The following CPB1 variants were observed in gnomAD, a reference collection of about 807,000 sequenced individuals.
The protein encoded by CPB1 is carboxypeptidase B1.
CPB1 carries 53 observed loss-of-function variants against 51.4 expected under a neutral mutation model. The observed-to-expected ratio is 1.03, with a 90% confidence interval of 0.83 to 1.30. CPB1 has a LOEUF of 1.30. Ranked by LOEUF, CPB1 falls within the 50% of genes most tolerant of loss-of-function variation. The probability of loss-of-function intolerance (pLI) is 0.00; values close to 1 mark genes in which losing one functional copy is unlikely to be tolerated. For synonymous variants in CPB1, 189 were observed against 186.9 expected, an observed-to-expected ratio of 1.01 and a Z score of -0.09; for missense variants, 494 against 516.2, an observed-to-expected ratio of 0.96 and a Z score of 0.42.
intron 9 of CPB1, among the ~76,000 whole-genome samples, chr3:148,853,389 A>G (rs1446753020): frequency 6.6e-6 from 1 of 152,186 alleles, no homozygotes; most frequent in Non-Finnish European, 1.5e-5. Flanking sequence ...GTGGAAAAGA[A>G]TATCCTCTCC....
chr3:148,859,756 T>C (rs1713694678), intron 10 of CPB1, 59 bp from the exon 11 acceptor site: 1 of 1,505,322 alleles, frequency 6.6e-7, no homozygotes. Context: ...AAACTGGCAA[T>C]TTTTTAAAGC....
At chr3:148,853,297 T>C (rs1254408079) in intron 9 of CPB1, among the ~76,000 whole-genome samples, 2 of 152,176 alleles carry the variant, frequency 1.3e-5, no homozygotes, top group African/African-American at 4.8e-5. Flanking sequence ...GCTGGCTGTG[T>C]ACAAGAGATT....
Position 148,845,559 on chromosome 3 carries a change from C to T in CPB1, c.914C>T (p.Ser305Leu), listed in dbSNP as rs1219609737. The T allele has an allele frequency of 5.0e-6, 8 of 1,613,772 alleles. No individual in the cohort carries two copies. The highest frequency in any genetic ancestry group is 1.1e-5 in the South Asian group (1 of 91,084). The change falls in exon 9 of 11, where the codon TCG (serine) becomes TTG (leucine). Residue 305 changes from serine to leucine, a missense_variant. Physicochemically the swap from Ser to Leu is moderately radical, Grantham distance 145. Transcript: ENST00000282957. ...ATCAAGGCATATCTGACAATCCACT[C>T]GTACTCCCAAATGATGATCTACCCT... ...SSIKAYLTIH[S>L]YSQMMIYPYS...
In CPB1 at chr3:148,834,984, G is replaced by A. The variant is rs138006952; in HGVS notation, c.272+362G>A. Among the ~76,000 whole-genome samples, 266 of 152,224 alleles carry A rather than the reference G, an allele frequency of 1.7e-3. 2 individuals are homozygous for A. The highest frequency in any genetic ancestry group is 6.2e-3 in the African/African-American group (259 of 41,534). On this transcript the variant is annotated intron_variant, in intron 3 of 10. Transcript: ENST00000282957. ...ATCTTATCAGCTCTTCTTTCCAGGG[G>A]ATCAGCGAGACCTATTGTGAGTTAT...
chr3:148,830,947 T>G (rs2108010186), intron 2 of CPB1, among the ~76,000 whole-genome samples: 1 of 152,314 alleles, frequency 6.6e-6, no homozygotes, highest in South Asian at 2.1e-4. Flanking sequence ...GAACAGCATA[T>G]TCTGGGCTGT....
intron 9 of CPB1, chr3:148,854,770 G>GC (rs1223809752): frequency 2.6e-5 from 4 of 152,200 alleles, no homozygotes; most frequent in African/African-American, 9.7e-5. Context: ...GAGCTCACCT[G>GC]GTGAGGAAAT....
chr3:148,838,197 G>A (rs1414149485), intron 3 of CPB1: 2 of 152,160 alleles, frequency 1.3e-5, no homozygotes, highest in African/African-American at 2.4e-5. Flanking sequence ...GCAGTGAGCC[G>A]AGATCGCACC....
intron 2 of CPB1, among the ~76,000 whole-genome samples, chr3:148,832,016 T>C (rs1318655220): frequency 6.6e-6 from 1 of 152,112 alleles, no homozygotes; most frequent in Non-Finnish European, 1.5e-5. Flanking sequence ...GTGTCACACA[T>C]GCAACACTCC....
chr3:148,829,312 G>T (rs1207985801), intron 2 of CPB1, among the ~76,000 whole-genome samples: 2 of 152,084 alleles, frequency 1.3e-5, no homozygotes, highest in African/African-American at 4.8e-5. Flanking sequence ...GGACCTCCAG[G>T]TGTGTTCTGA....
At chr3:148,849,687 C>T (rs955646935) in intron 9 of CPB1, among the ~76,000 whole-genome samples, 5 of 152,194 alleles carry the variant, frequency 3.3e-5, no homozygotes, top group Non-Finnish European at 7.3e-5. Flanking sequence ...GCAGAGCGCA[C>T]TACACAAAGG....
At chr3:148,834,962 T>G (rs1712854280) in intron 3 of CPB1, among the ~76,000 whole-genome samples, 1 of 152,222 alleles carries the variant, frequency 6.6e-6, no homozygotes, top group African/African-American at 2.4e-5. Context: ...ACCCCAAATC[T>G]TATCAGCTCT....
intron 3 of CPB1, 26 bp from the exon 4 acceptor site, chr3:148,840,660 G>A (rs2291671): frequency 0.23 from 371,933 of 1,603,752 alleles, 44,314 homozygotes; most frequent in African/African-American, 0.31. Context: ...TATGTTCATA[G>A]GAACACCCAC....
At chr3:148,832,954 T>C (rs1467805823) in intron 2 of CPB1, among the ~76,000 whole-genome samples, 1 of 152,138 alleles carries the variant, frequency 6.6e-6, no homozygotes, top group Non-Finnish European at 1.5e-5. Flanking sequence ...TAAAGACATA[T>C]CTCTCTCTCC....
rs151135325 is a variant in CPB1 at position 148,860,014 on chromosome 3, G to A, written c.*12G>A. The A allele has an allele frequency of 1.7e-5, 27 of 1,591,004 alleles. No individual in the cohort carries two copies. In the East Asian group the frequency reaches 5.6e-4, roughly 33 times the overall value. ...AACACCTGTACTAGTTGAGAAAGCT[G>A]ATGGCCTTGTTTCAAAATTCTCATT... On this transcript the variant is annotated 3_prime_UTR_variant, in exon 11 of 11. Coordinates refer to ENST00000282957, the MANE Select transcript of CPB1 (RefSeq NM_001871.3).
intron 3 of CPB1, among the ~76,000 whole-genome samples, chr3:148,837,945 T>G (rs1275350072): frequency 6.6e-6 from 1 of 152,076 alleles, no homozygotes; most frequent in African/African-American, 2.4e-5. Context: ...CAGTCACTGA[T>G]CCTCCTAAAT....
chr3:148,857,339 T>C (rs1391358050), intron 9 of CPB1, 118 bp from the exon 10 acceptor site: 2 of 719,906 alleles, frequency 2.8e-6, no homozygotes, highest in African/African-American at 3.6e-5. Flanking sequence ...TGAATAAGCA[T>C]ATAATACGAT....
chr3:148,834,320 T>C (rs1712827568), intron 2 of CPB1, among the ~76,000 whole-genome samples, 178 bp from the exon 3 acceptor site: 1 of 152,240 alleles, frequency 6.6e-6, no homozygotes, highest in Non-Finnish European at 1.5e-5. Context: ...GTTAACACTT[T>C]TATCAACATC....
At position 148,845,531 on chromosome 3, in the gene CPB1, T is replaced by C; in HGVS notation, c.886T>C (p.Ser296Pro). 1 of 1,613,916 alleles carries C rather than the reference T, an allele frequency of 6.2e-7. No homozygotes were observed. Among genetic ancestry groups the C allele is most frequent in the Non-Finnish European group, 8.5e-7 (1 of 1,179,874 alleles). ...TGATTTCATCCGCAACAAACTCTCT[T>C]CCATCAAGGCATATCTGACAATCCA... ...LADFIRNKLSSIKAYLTIHSY... is the reference protein window; with the variant it reads ...LADFIRNKLSPIKAYLTIHSY... The change falls in exon 9 of 11, where the codon TCC becomes CCC. Residue 296 changes from serine (S) to proline (P), a missense_variant. By Grantham distance (74) the Ser-to-Pro change is moderately conservative (BLOSUM62 -1). Coordinates refer to ENST00000282957, the MANE Select transcript of CPB1 (RefSeq NM_001871.3).
At chr3:148,850,561 C>T (rs1041340942) in intron 9 of CPB1, among the ~76,000 whole-genome samples, 17 of 152,106 alleles carry the variant, frequency 1.1e-4, no homozygotes, top group Admixed American at 9.8e-4. Flanking sequence ...CTCAGCCTCC[C>T]GAAGTGCTGG....
Sources: gnomAD v4.1 joint callset for allele counts (sites outside exome capture counted in the v4.1 genomes callset) on GRCh38, gnomAD v4.1.1 for gene constraint, MANE v1.5 for transcripts, NCBI Gene and HGNC (gene_info 2026-07-23, HGNC 2026-07-21) for gene names.